The following PPP2R5C variants were observed in gnomAD, a reference collection of about 807,000 sequenced individuals.
PPP2R5C encodes serine/threonine-protein phosphatase 2A 56 kDa regulatory subunit gamma isoform.
A neutral mutation model predicts 68.9 loss-of-function variants in PPP2R5C; 7 were observed. The ratio of observed to expected loss-of-function variants is 0.10; its 90% CI spans 0.06 to 0.19. The LOEUF (loss-of-function observed/expected upper bound fraction) is 0.19, where lower values mean the gene tolerates loss of function less well. Among genes scored for constraint, PPP2R5C ranks in the 10% least tolerant of loss-of-function variants. The pLI, the probability that PPP2R5C is intolerant of heterozygous loss-of-function variation, is 1.00. For missense variants in PPP2R5C, 348 were observed against 641.3 expected, an observed-to-expected ratio of 0.54 and a Z score of 4.94; for synonymous variants, 210 against 222.2, an observed-to-expected ratio of 0.95 and a Z score of 0.49.
upstream of PPP2R5C, among the ~76,000 whole-genome samples, chr14:101,761,034 G>GA (rs2036489351): frequency 7.8e-6 from 1 of 127,568 alleles, no homozygotes; most frequent in African/African-American, 3.0e-5. Flanking sequence ...CGGGGTGGTC[G>GA]AGGGGAGGGG....
chr14:101,894,462 T>C (rs2045169248), intron 7 of PPP2R5C, 45 bp from the exon 10 acceptor site: 1 of 1,581,384 alleles, frequency 6.3e-7, no homozygotes. Flanking sequence ...CACAGCAGCA[T>C]TTTTATGTTG....
chr14:101,763,111 T>C (rs1478585290), intron 2 of PPP2R5C, 141 bp downstream of exon 2: 1 of 654,958 alleles, frequency 1.5e-6, no homozygotes, highest in Non-Finnish European at 2.6e-6. Flanking sequence ...TTTATAACCC[T>C]CAATTTTAGT....
intron 2 of PPP2R5C, chr14:101,765,270 T>C (rs1227389244): frequency 1.4e-6 from 1 of 702,680 alleles, no homozygotes; most frequent in Non-Finnish European, 2.6e-6. Flanking sequence ...CATATTAAGC[T>C]TGACACTTGG....
At chr14:101,853,927 C>A (rs1204092993) in intron 1 of PPP2R5C, among the ~76,000 whole-genome samples, 2 of 152,098 alleles carry the variant, frequency 1.3e-5, no homozygotes. Flanking sequence ...GAATGCCAAA[C>A]AGCTCCAAAT....
chr14:101,802,951 T>TAAAA (rs571594853), intron 3 of PPP2R5C, among the ~76,000 whole-genome samples: 6 of 99,914 alleles, frequency 6.0e-5, no homozygotes, highest in Admixed American at 2.2e-4. Flanking sequence ...GGCTACTATT[T>TAAAA]AAAAAAAAAA....
Position 101,916,195 on chromosome 14 carries a change from G to A in PPP2R5C, c.1327-1636G>A, listed in dbSNP as rs1175053141. Among the ~76,000 whole-genome samples the A allele has an allele frequency of 6.6e-6, 1 of 152,236 alleles. No homozygotes were observed. The highest frequency in any genetic ancestry group is 1.9e-4 in the East Asian group (1 of 5,190). On this transcript the variant is annotated intron_variant, in intron 12 of 13. Transcript: ENST00000334743. This position sits in a 1 kb window ranked among gnomAD's most constrained non-coding sequence, Gnocchi z 5.5. ...TGGATGGAGTGCTGGGGCTGTCGGG[G>A]TAGGGTGTGGAGATGTGTGGAGATC...
intron 6 of PPP2R5C, among the ~76,000 whole-genome samples, chr14:101,892,375 G>A (rs2044992464): frequency 7.7e-6 from 1 of 130,116 alleles, no homozygotes; most frequent in South Asian, 2.9e-4. Context: ...AAGGCTGAGG[G>A]AAGGTGTTGG....
chr14:101,785,878 A>T, intron 2 of PPP2R5C, 140 bp from the exon 3 acceptor site: 1 of 709,748 alleles, frequency 1.4e-6, no homozygotes, highest in Non-Finnish European at 2.1e-6. Flanking sequence ...TACTCCAGCC[A>T]CTCTAAGGAA....
intron 3 of PPP2R5C, among the ~76,000 whole-genome samples, chr14:101,786,489 A>T (rs2038093868): frequency 6.6e-6 from 1 of 152,180 alleles, no homozygotes; most frequent in Non-Finnish European, 1.5e-5. Context: ...TTTCTTTTAA[A>T]TTAATTTTCA....
At chr14:101,765,712 C>T (rs2036820114) in intron 2 of PPP2R5C, 1 of 150,282 alleles carries the variant, frequency 6.7e-6, no homozygotes, top group Admixed American at 6.6e-5. Context: ...GGATTACAGG[C>T]TCCTGCCACC....
chr14:101,847,386 C>T (rs1292902645), intron 1 of PPP2R5C, among the ~76,000 whole-genome samples: 1 of 152,132 alleles, frequency 6.6e-6, no homozygotes, highest in African/African-American at 2.4e-5. Flanking sequence ...AAGTGAGTGC[C>T]TCTAGACAGT....
At chr14:101,836,068 A>G in intron 1 of PPP2R5C, 1 of 612,064 alleles carries the variant, frequency 1.6e-6, no homozygotes, top group Non-Finnish European at 2.9e-6. Context: ...ACAATGGGAA[A>G]TTAAATTTTT....
intron 1 of PPP2R5C, 131 bp from the exon 2 acceptor site, chr14:101,762,774 C>G: frequency 1.3e-6 from 1 of 752,700 alleles, no homozygotes; most frequent in Non-Finnish European, 2.2e-6. Context: ...TATAGAATTT[C>G]CTAATGGTAT....
At chr14:101,894,806 T>C (rs2045198006) in intron 8 of PPP2R5C, among the ~76,000 whole-genome samples, 2 of 152,238 alleles carry the variant, frequency 1.3e-5, no homozygotes, top group Admixed American at 6.5e-5. Context: ...CGTTGCACTT[T>C]ACTGTTTGAA....
intron 13 of PPP2R5C, among the ~76,000 whole-genome samples, chr14:101,919,866 G>A: frequency 6.6e-6 from 1 of 151,448 alleles, no homozygotes; most frequent in Admixed American, 6.6e-5. Flanking sequence ...CTACTTGGGA[G>A]GCTGAGGCAG....
rs2046493819 is a variant in PPP2R5C, at chr14:101,913,381, A to T, written c.1326+908A>T. On this transcript the variant is annotated intron_variant, in intron 12 of 13. Coordinates refer to ENST00000334743, the Ensembl canonical transcript of PPP2R5C. The surrounding 1 kb of genome is among the most constrained non-coding windows in gnomAD (Gnocchi z 4.1). ...ACACTTAATAAAAAGTTATACATGA[A>T]TATAAAGTTAAAAGTATATCTTTAC... 2.6e-5 allele frequency among the ~76,000 whole-genome samples: 4 copies of T among 152,216 alleles called. No individual in the cohort carries two copies. The South Asian group carries it at 8.3e-4, about 31-fold the overall frequency.
chr14:101,844,427 C>T (rs903352254), intron 1 of PPP2R5C, among the ~76,000 whole-genome samples: 4 of 152,172 alleles, frequency 2.6e-5, no homozygotes, highest in African/African-American at 9.6e-5. Flanking sequence ...CCTGATCCCC[C>T]GGCTGCCCCT....
At chr14:101,852,708 A>T (rs969286916) in intron 1 of PPP2R5C, among the ~76,000 whole-genome samples, 6 of 151,942 alleles carry the variant, frequency 3.9e-5, no homozygotes, top group South Asian at 2.1e-4. Context: ...CTGACCTCAG[A>T]TGATCCACCC....
At position 101,886,186 on chromosome 14, in the gene PPP2R5C, C is replaced by T. The variant is rs929028340; in HGVS notation, c.629+2624C>T. On this transcript the variant is annotated intron_variant, in intron 5 of 13. Transcript: ENST00000334743. ...GTCCCAGCTACTCGGGAGGCTGAGG[C>T]GGGAGAATGGCGTGAACCCGGGAGG... 6.0e-5 allele frequency among the ~76,000 whole-genome samples: 9 copies of T among 151,168 alleles called. No homozygotes were observed. The East Asian group carries it at 9.8e-4, about 16-fold the overall frequency.
Sources: allele counts gnomAD v4.1 joint callset (sites outside exome capture counted in the v4.1 genomes callset), GRCh38; gene constraint gnomAD v4.1.1; non-coding constraint Gnocchi (gnomAD v3.1); transcripts MANE v1.5; gene names NCBI Gene and HGNC (gene_info 2026-07-23, HGNC 2026-07-21).